SHISA9: variants seen among roughly 807,000 people sequenced by gnomAD.
SHISA9 encodes the protein protein shisa-9.
In SHISA9, 13 loss-of-function variants were observed where a neutral mutation model predicts 38.0. The observed-to-expected ratio is 0.34, with a 90% confidence interval of 0.22 to 0.54. The LOEUF (loss-of-function observed/expected upper bound fraction) is 0.54, where lower values mean the gene tolerates loss of function less well. Ranked by LOEUF, SHISA9 falls within the 20% of genes least tolerant of loss-of-function variation. The pLI, the probability that SHISA9 is intolerant of heterozygous loss-of-function variation, is 0.91. For synonymous variants in SHISA9, 275 were observed against 242.0 expected (o/e 1.14, Z -1.27); for missense variants, 538 against 575.8 (o/e 0.93, Z 0.67).
chr16:13,470,581 G>A, the SHISA9 span, among the ~76,000 whole-genome samples: 4 of 152,050 alleles, frequency 2.6e-5, no homozygotes, highest in African/African-American at 4.8e-5. Flanking sequence ...TCACTACCAC[G>A]AGAAGAAAAT....
chr16:13,283,573 C>T, the SHISA9 span, among the ~76,000 whole-genome samples: 13 of 152,128 alleles, frequency 8.5e-5, no homozygotes, highest in East Asian at 2.5e-3. Flanking sequence ...CATCAGATCT[C>T]GTGAGACTTA....
chr16:13,370,744 C>G, the SHISA9 span, among the ~76,000 whole-genome samples: 1 of 151,924 alleles, frequency 6.6e-6, no homozygotes, highest in African/African-American at 2.4e-5. Flanking sequence ...CTCTAAACTA[C>G]CCTCTATTTG....
intron 2 of SHISA9, among the ~76,000 whole-genome samples, chr16:13,126,333 A>T (rs934226505): frequency 6.6e-6 from 1 of 152,198 alleles, no homozygotes; most frequent in African/African-American, 2.4e-5. Flanking sequence ...CTGGGGTCAG[A>T]TACAATATTT....
the SHISA9 span, among the ~76,000 whole-genome samples, chr16:13,384,415 A>T: frequency 2.6e-5 from 4 of 152,220 alleles, no homozygotes; most frequent in African/African-American, 9.6e-5. Flanking sequence ...AACTTTTGTT[A>T]CCTTGAGGAC....
At chr16:13,462,001 C>T in the SHISA9 span, among the ~76,000 whole-genome samples, 1 of 151,978 alleles carries the variant, frequency 6.6e-6, no homozygotes, top group Non-Finnish European at 1.5e-5. Context: ...ATTTTCCAGT[C>T]TTATTAATCT....
At chr16:13,182,155 G>C (rs147172227) in intron 2 of SHISA9, among the ~76,000 whole-genome samples, 5 of 152,310 alleles carry the variant, frequency 3.3e-5, no homozygotes, top group South Asian at 2.1e-4. Flanking sequence ...AGTTGCCATA[G>C]TATCTCTCAT....
At position 12,948,264 on chromosome 16, in the gene SHISA9, T is replaced by C. The variant is rs1019176676; in HGVS notation, c.691+31449T>C. ...CGGGATTTGAACCCTGGTTTGACTA[T>C]TTCTAAACAAAACCAAGCTCTTGAA... On this transcript the variant is annotated intron_variant, in intron 2 of 4. Transcript: ENST00000558583. Among the ~76,000 whole-genome samples the C allele has an allele frequency of 5.9e-5, 9 of 152,296 alleles. No individual in the cohort carries two copies. In the South Asian group the frequency reaches 8.3e-4, roughly 14 times the overall value.
At chr16:13,020,364 C>A (rs915401778) in intron 2 of SHISA9, among the ~76,000 whole-genome samples, 2 of 151,998 alleles carry the variant, frequency 1.3e-5, no homozygotes, top group Admixed American at 6.6e-5. Flanking sequence ...ATCCTCTGAC[C>A]CTCACCCTCC....
At chr16:13,348,688 G>A in the SHISA9 span, among the ~76,000 whole-genome samples, 2 of 151,892 alleles carry the variant, frequency 1.3e-5, no homozygotes, top group African/African-American at 4.8e-5. Context: ...GGTCCTGTTT[G>A]AATCATTGTG....
At chr16:13,050,985 C>A (rs778411830) in intron 2 of SHISA9, among the ~76,000 whole-genome samples, 4 of 152,192 alleles carry the variant, frequency 2.6e-5, no homozygotes, top group Non-Finnish European at 5.9e-5. Context: ...TGACATTGGG[C>A]CTCCATTTTG....
chr16:13,307,167 C>A, the SHISA9 span, among the ~76,000 whole-genome samples: 1 of 152,174 alleles, frequency 6.6e-6, no homozygotes, highest in African/African-American at 2.4e-5. Flanking sequence ...CAGTATCTAT[C>A]AAATGAGAAT....
At chr16:12,992,578 A>C (rs959469887) in intron 2 of SHISA9, among the ~76,000 whole-genome samples, 1 of 151,948 alleles carries the variant, frequency 6.6e-6, no homozygotes, top group Admixed American at 6.6e-5. Context: ...CAAAAATACC[A>C]AAATTGCCCC....
chr16:12,949,118 C>G (rs538900216), intron 2 of SHISA9, among the ~76,000 whole-genome samples: 4 of 152,190 alleles, frequency 2.6e-5, no homozygotes, highest in Non-Finnish European at 4.4e-5. Context: ...GTACCCTTCT[C>G]TCCCTGTATT....
At chr16:13,113,233 A>T (rs1010752347) in intron 2 of SHISA9, among the ~76,000 whole-genome samples, 3 of 149,080 alleles carry the variant, frequency 2.0e-5, no homozygotes, top group Non-Finnish European at 4.5e-5. Context: ...AAAAAAAAAA[A>T]TTGAGAACAT....
chr16:13,111,358 A>C (rs1483368716), intron 2 of SHISA9, among the ~76,000 whole-genome samples: 4 of 151,436 alleles, frequency 2.6e-5, no homozygotes, highest in Non-Finnish European at 4.4e-5. Context: ...AAAAAAAAAA[A>C]ACCCAAAAAC....
the SHISA9 span, among the ~76,000 whole-genome samples, chr16:13,498,625 C>T: frequency 3.7e-4 from 57 of 152,100 alleles, no homozygotes; most frequent in African/African-American, 1.2e-3. Context: ...AGTATGGTGG[C>T]GGGCACCTGT....
chr16:13,259,838 C>A, the SHISA9 span, among the ~76,000 whole-genome samples: 1 of 146,556 alleles, frequency 6.8e-6, no homozygotes, highest in Non-Finnish European at 1.5e-5. Context: ...TATTTCCTCC[C>A]AGGCCTCTGG....
chr16:13,367,233 C>T, the SHISA9 span, among the ~76,000 whole-genome samples: 2 of 150,668 alleles, frequency 1.3e-5, no homozygotes, highest in African/African-American at 4.9e-5. Flanking sequence ...TTTGCCACTA[C>T]CATATGCTGA....
At chr16:13,339,001 G>C in the SHISA9 span, among the ~76,000 whole-genome samples, 1 of 152,124 alleles carries the variant, frequency 6.6e-6, no homozygotes, top group Non-Finnish European at 1.5e-5. Context: ...TCTAACCTGA[G>C]AGACACAGTA....
Sources: gnomAD v4.1 joint callset for allele counts (sites outside exome capture counted in the v4.1 genomes callset) on GRCh38, gnomAD v4.1.1 for gene constraint, MANE v1.5 for transcripts, NCBI Gene and HGNC (gene_info 2026-07-23, HGNC 2026-07-21) for gene names.